Variants in KCNH7 observed in about 807,000 individuals in gnomAD.
KCNH7 encodes the protein voltage-gated inwardly rectifying potassium channel KCNH7.
KCNH7 carries 49 observed loss-of-function variants against 120.8 expected under a neutral mutation model. The ratio of observed to expected loss-of-function variants is 0.41; its 90% CI spans 0.32 to 0.51. The LOEUF (loss-of-function observed/expected upper bound fraction) is 0.51. Ranked by LOEUF, KCNH7 falls within the 20% of genes least tolerant of loss-of-function variation. The probability of loss-of-function intolerance (pLI) is 0.38; values close to 1 mark genes in which losing one functional copy is unlikely to be tolerated. For synonymous variants in KCNH7, 547 were observed against 516.1 expected, an observed-to-expected ratio of 1.06 and a Z score of -0.81; for missense variants, 1,097 against 1,446.6, an observed-to-expected ratio of 0.76 and a Z score of 3.92.
At chr2:162,486,224 G>C (rs1237558934) in intron 6 of KCNH7, among the ~76,000 whole-genome samples, 1 of 152,118 alleles carries the variant, frequency 6.6e-6, no homozygotes, top group Non-Finnish European at 1.5e-5. Context: ...TGACATCCTT[G>C]CTACCAACAA....
intron 2 of KCNH7, among the ~76,000 whole-genome samples, chr2:162,803,284 A>G (rs1326777805): frequency 6.6e-6 from 1 of 151,802 alleles, no homozygotes; most frequent in Non-Finnish European, 1.5e-5. Flanking sequence ...CTAGCAATAG[A>G]CAAAAGAAAA....
chr2:162,558,883 G>A (rs574262956), intron 2 of KCNH7, among the ~76,000 whole-genome samples: 2 of 151,546 alleles, frequency 1.3e-5, no homozygotes, highest in Admixed American at 1.3e-4. Context: ...GTGAAATCCT[G>A]TCTCTACTAA....
intron 2 of KCNH7, among the ~76,000 whole-genome samples, chr2:162,668,690 C>T (rs1020893534): frequency 1.3e-5 from 2 of 152,038 alleles, no homozygotes; most frequent in Non-Finnish European, 2.9e-5. Flanking sequence ...ACTCACAAAA[C>T]ACACACAAGA....
intron 2 of KCNH7, among the ~76,000 whole-genome samples, chr2:162,667,745 C>T (rs1685194312): frequency 6.6e-6 from 1 of 152,232 alleles, no homozygotes; most frequent in South Asian, 2.1e-4. Flanking sequence ...ACTACATCAC[C>T]TTGCTTTATT....
At chr2:162,742,003 C>T (rs1167664652) in intron 2 of KCNH7, among the ~76,000 whole-genome samples, 1 of 152,118 alleles carries the variant, frequency 6.6e-6, no homozygotes, top group East Asian at 1.9e-4. Context: ...GTGGGATAAT[C>T]AGTGTTCCAA....
intron 2 of KCNH7, among the ~76,000 whole-genome samples, chr2:162,553,399 C>A (rs1274311566): frequency 6.6e-6 from 1 of 152,170 alleles, no homozygotes; most frequent in East Asian, 1.9e-4. Context: ...AATGTCATCC[C>A]AGTACTTTGG....
intron 2 of KCNH7, among the ~76,000 whole-genome samples, chr2:162,711,166 T>C (rs1037063175): frequency 1.3e-5 from 2 of 152,264 alleles, no homozygotes; most frequent in South Asian, 4.1e-4. Flanking sequence ...GAAATGTAGA[T>C]TACATAATAG....
chr2:162,573,828 C>T (rs558601072), intron 2 of KCNH7, among the ~76,000 whole-genome samples: 1 of 151,962 alleles, frequency 6.6e-6, no homozygotes, highest in South Asian at 2.1e-4. Flanking sequence ...TTCTAATTTT[C>T]AACTTTTTAA....
chr2:162,479,035 G>A (rs759492853), intron 6 of KCNH7, among the ~76,000 whole-genome samples: 15 of 151,936 alleles, frequency 9.9e-5, no homozygotes, highest in Non-Finnish European at 1.6e-4. Flanking sequence ...CAGAAATCAC[G>A]AGGGAGGGGA....
intron 5 of KCNH7, among the ~76,000 whole-genome samples, chr2:162,510,219 C>G (rs1691023933): frequency 6.6e-6 from 1 of 151,460 alleles, no homozygotes. Flanking sequence ...CTTAAGGAAT[C>G]ATAATGCTAA....
intron 2 of KCNH7, among the ~76,000 whole-genome samples, chr2:162,569,338 T>A (rs1218023963): frequency 6.6e-6 from 1 of 151,066 alleles, no homozygotes; most frequent in Non-Finnish European, 1.5e-5. Flanking sequence ...TAGTATTCTC[T>A]GATGGTAGTT....
chr2:162,838,387 C>A, intron 1 of KCNH7, 56 bp downstream of exon 1: 1 of 1,439,268 alleles, frequency 6.9e-7, no homozygotes, highest in South Asian at 1.1e-5. Context: ...CGGTGGACGC[C>A]AAGTGCACTA....
intron 2 of KCNH7, among the ~76,000 whole-genome samples, chr2:162,634,394 A>T (rs1683881115): frequency 6.6e-6 from 1 of 152,010 alleles, no homozygotes; most frequent in African/African-American, 2.4e-5. Context: ...TTGACAAGGG[A>T]CATATTGACA....
At chr2:162,757,082 A>G (rs2105444160) in intron 2 of KCNH7, among the ~76,000 whole-genome samples, 1 of 152,290 alleles carries the variant, frequency 6.6e-6, no homozygotes, top group Admixed American at 6.5e-5. Context: ...TCTTGGTTTA[A>G]AAATATTTTT....
chr2:162,539,359 A>G (rs1195123474), intron 2 of KCNH7, among the ~76,000 whole-genome samples: 1 of 152,082 alleles, frequency 6.6e-6, no homozygotes, highest in Admixed American at 6.6e-5. Flanking sequence ...CACATTTGCT[A>G]TTTAAGCAGT....
chr2:162,683,909 C>G (rs1182430841), intron 2 of KCNH7, among the ~76,000 whole-genome samples: 1 of 151,902 alleles, frequency 6.6e-6, no homozygotes. Flanking sequence ...GCAAAAAGAA[C>G]AAATCTGGAG....
At chr2:162,568,613 G>C (rs1559019685) in intron 2 of KCNH7, among the ~76,000 whole-genome samples, 1 of 151,838 alleles carries the variant, frequency 6.6e-6, no homozygotes, top group Non-Finnish European at 1.5e-5. Context: ...ATTTCTTGTT[G>C]AATTGCATGA....
intron 6 of KCNH7, among the ~76,000 whole-genome samples, chr2:162,485,604 AAC>A (rs1347363545): frequency 3.3e-5 from 5 of 152,206 alleles, no homozygotes; most frequent in African/African-American, 9.7e-5. Flanking sequence ...CTTTATTGAA[AAC>A]ACAAAGTGAG....
At chr2:162,751,384 C>T (rs1688544079) in intron 2 of KCNH7, among the ~76,000 whole-genome samples, 1 of 151,922 alleles carries the variant, frequency 6.6e-6, no homozygotes, top group Non-Finnish European at 1.5e-5. Context: ...TATTAAATTC[C>T]ACACTAGCTT....
Sources: gnomAD v4.1 joint callset for allele counts (sites outside exome capture counted in the v4.1 genomes callset) on GRCh38, gnomAD v4.1.1 for gene constraint, MANE v1.5 for transcripts, NCBI Gene and HGNC (gene_info 2026-07-23, HGNC 2026-07-21) for gene names.